Variants in FSD1L observed in about 807,000 individuals in gnomAD.
FSD1L encodes fibronectin type III and SPRY domain containing 1 like.
A neutral mutation model predicts 71.6 loss-of-function variants in FSD1L; 45 were observed. The observed-to-expected ratio is 0.63, with a 90% CI of 0.49 to 0.81. The LOEUF is 0.81. FSD1L is among the 30% of genes least tolerant of loss of function. The pLI is 0.00. For missense variants in FSD1L, 561 were observed against 618.1 expected (o/e 0.91, Z 0.98); for synonymous variants, 197 against 207.2 (o/e 0.95, Z 0.42).
At chr9:105,447,857 C>G (rs982556686), upstream of FSD1L, 1 of 379,322 alleles carries the variant, frequency 2.6e-6, no homozygotes, top group African/African-American at 2.2e-5. Flanking sequence ...ATTTCAGGGC[C>G]GGAGAGACCG....
intron 13 of FSD1L, among the ~76,000 whole-genome samples, chr9:105,544,992 C>T (rs1297254242): frequency 6.6e-6 from 1 of 152,138 alleles, no homozygotes; most frequent in Non-Finnish European, 1.5e-5. Context: ...ATGGGGATGG[C>T]ATTAAATCTA....
At chr9:105,493,662 T>C (rs1833125453) in intron 7 of FSD1L, among the ~76,000 whole-genome samples, 1 of 152,186 alleles carries the variant, frequency 6.6e-6, no homozygotes, top group Admixed American at 6.5e-5. Flanking sequence ...CCATGTTTAC[T>C]GCTTCCTTCA....
intron 4 of FSD1L, among the ~76,000 whole-genome samples, chr9:105,468,661 A>G (rs879588863): frequency 4.6e-5 from 7 of 151,880 alleles, no homozygotes; most frequent in Admixed American, 4.6e-4. Flanking sequence ...TGCCTGGCTA[A>G]TTTTTGTATT....
At chr9:105,508,268 C>T (rs185167799) in intron 8 of FSD1L, among the ~76,000 whole-genome samples, 2,676 of 151,406 alleles carry the variant, frequency 0.018, 32 homozygotes, top group Middle Eastern at 0.034. Flanking sequence ...AGCTCCGCCT[C>T]CCCGGTTCAC....
chr9:105,527,517 C>T (rs924293578), intron 10 of FSD1L, among the ~76,000 whole-genome samples: 1 of 152,060 alleles, frequency 6.6e-6, no homozygotes, highest in Non-Finnish European at 1.5e-5. Context: ...AAGCTGCTCA[C>T]ATTTTGTTTT....
chr9:105,481,980 G>C (rs1832235888), intron 6 of FSD1L, among the ~76,000 whole-genome samples: 1 of 152,004 alleles, frequency 6.6e-6, no homozygotes, highest in Non-Finnish European at 1.5e-5. Context: ...TCGCCATGTT[G>C]CCTAGGCTGG....
intron 7 of FSD1L, among the ~76,000 whole-genome samples, chr9:105,503,763 T>C (rs1833899267): frequency 6.6e-6 from 1 of 152,238 alleles, no homozygotes; most frequent in Non-Finnish European, 1.5e-5. Flanking sequence ...GTTTTCTTAC[T>C]TCTATATAGA....
chr9:105,452,627 T>TCGCC (rs1830082194), intron 1 of FSD1L, among the ~76,000 whole-genome samples: 2 of 116,452 alleles, frequency 1.7e-5, no homozygotes, highest in Admixed American at 1.7e-4. Flanking sequence ...GGGCGCTCGC[T>TCGCC]CGCCTGCCTG....
chr9:105,456,064 CTGTTGATCAGTTCCAGGTTTCCAGAT>C (rs1475918479), intron 1 of FSD1L, among the ~76,000 whole-genome samples: 2 of 152,190 alleles, frequency 1.3e-5, no homozygotes, highest in Admixed American at 6.5e-5. Flanking sequence ...GGGTTATAAC[CTGTTGATCAGTTCCAGGTTTCCAGAT>C]TGTTGATCAG....
intron 7 of FSD1L, among the ~76,000 whole-genome samples, chr9:105,485,030 T>C (rs1177977253): frequency 6.6e-6 from 1 of 152,238 alleles, no homozygotes; most frequent in Admixed American, 6.5e-5. Context: ...TTCAGTAATA[T>C]GTTAACATTA....
At chr9:105,447,747 T>C, upstream of FSD1L, 1 of 201,018 alleles carries the variant, frequency 5.0e-6, no homozygotes, top group South Asian at 7.9e-5. Context: ...GGGCTTCAGA[T>C]GCGTGCTGGG....
At position 105,524,063 on chromosome 9, in the gene FSD1L, G is replaced by A. The variant is rs1194857211; in HGVS notation, c.1026-10430G>A. The A allele has an allele frequency of 2.5e-6, 4 of 1,609,712 alleles. No homozygotes were observed. In the East Asian group the frequency reaches 6.7e-5, roughly 27 times the overall value. On this transcript the variant is annotated intron_variant, in intron 10 of 13. Coordinates refer to ENST00000481272, the MANE Select transcript of FSD1L (RefSeq NM_001145313.3). ...CTGTGTCTCAGTTTACAGATGTTAA[G>A]GAACTTATAATCAAAACTGTATTAA... is the stretch of plus-strand genomic sequence containing the variant.
chr9:105,462,999 G>A (rs747268151), intron 2 of FSD1L, among the ~76,000 whole-genome samples: 2 of 151,208 alleles, frequency 1.3e-5, no homozygotes, highest in South Asian at 2.1e-4. Context: ...TTAGCTGGGC[G>A]TGGTGGCGGA....
intron 8 of FSD1L, among the ~76,000 whole-genome samples, chr9:105,507,330 A>G (rs1019015615): frequency 6.6e-6 from 1 of 152,220 alleles, no homozygotes; most frequent in African/African-American, 2.4e-5. Flanking sequence ...TGAAATGGCA[A>G]AATATTGCCT....
intron 10 of FSD1L, chr9:105,513,556 TTGTAAAACAGTTTCTTAACAGTTGCC>T (rs1564129210): frequency 1.3e-6 from 2 of 1,495,440 alleles, no homozygotes; most frequent in African/African-American, 1.4e-5. Flanking sequence ...TAAATTTAAG[TTGTAAAACAGTTTCTTAACAGTTGCC>T]TGTTTTTATC....
rs550652063 is a variant in FSD1L at position 105,512,865 on chromosome 9, A to G, written c.954A>G (p.Thr318=). 4 of 1,542,526 alleles carry G rather than the reference A, an allele frequency of 2.6e-6. No homozygotes were observed. Among genetic ancestry groups the G allele is most frequent in the South Asian group, 2.4e-5 (2 of 82,646 alleles). ...SSHLNLKVED[T]CVEWDPTGGK... ...ATTTGAACCTGAAAGTTGAAGATAC[A>G]TGTGTAGAGTGGGATCCTACTGGAG... Residue 318 remains threonine (T), a synonymous_variant, in exon 10 of 14, where the codon ACA becomes ACG. Transcript: ENST00000481272.
rs142606697 is a variant in FSD1L at position 105,507,231 on chromosome 9, C to T, written c.796+623C>T. 3.8e-3 allele frequency among the ~76,000 whole-genome samples: 573 copies of T among 152,188 alleles called. 4 individuals are homozygous for T. Among genetic ancestry groups the T allele is most frequent in the African/African-American group, 0.013 (533 of 41,546 alleles). On this transcript the variant is annotated intron_variant, in intron 8 of 13. Coordinates refer to ENST00000481272, the MANE Select transcript of FSD1L (RefSeq NM_001145313.3). The stretch of plus-strand genomic sequence containing the variant: ...CCTTCATGTTAATAATTAACAAAGA[C>T]CTGTGACTTGGTATAACAATAGAAA...
chr9:105,518,471 A>T (rs1240011450), intron 10 of FSD1L, among the ~76,000 whole-genome samples: 1 of 152,248 alleles, frequency 6.6e-6, no homozygotes, highest in East Asian at 1.9e-4. Context: ...CTCTCAGACC[A>T]CAGTGCAATC....
upstream of FSD1L, among the ~76,000 whole-genome samples, chr9:105,443,342 G>C (rs184499748): frequency 0.015 from 1,790 of 120,468 alleles, 33 homozygotes; most frequent in African/African-American, 0.078. Flanking sequence ...TCATCTGCAG[G>C]GAAACTCATT....
Sources: gnomAD v4.1 joint callset for allele counts (sites outside exome capture counted in the v4.1 genomes callset) on GRCh38, gnomAD v4.1.1 for gene constraint, MANE v1.5 for transcripts, NCBI Gene and HGNC (gene_info 2026-07-23, HGNC 2026-07-21) for gene names.